The following MBP variants were observed in gnomAD, a reference collection of about 807,000 sequenced individuals.
MBP encodes Golli-MBP.
Under a neutral mutation model 35.8 loss-of-function variants are expected in MBP, and 16 were observed. That is an observed-to-expected ratio of 0.45 (90% CI 0.30 to 0.68). The LOEUF (loss-of-function observed/expected upper bound fraction) is 0.68. MBP is among the 30% of genes least tolerant of loss of function. MBP has a pLI of 0.08. For synonymous variants in MBP, 143 were observed against 159.6 expected (o/e 0.90, Z 0.78); for missense variants, 380 against 404.7 (o/e 0.94, Z 0.52).
intron 3 of MBP, among the ~76,000 whole-genome samples, chr18:77,021,426 C>G (rs1358652806): frequency 6.6e-6 from 1 of 152,002 alleles, no homozygotes; most frequent in Non-Finnish European, 1.5e-5. Context: ...TGCTAGCCTC[C>G]CAGGTGGCTG....
intron 8 of MBP, chr18:76,984,185 G>A (rs942639805): frequency 6.5e-6 from 1 of 153,516 alleles, no homozygotes; most frequent in Non-Finnish European, 1.4e-5. Flanking sequence ...CGCGTTTTGT[G>A]TTTGTCACTA....
intron 2 of MBP, among the ~76,000 whole-genome samples, chr18:77,076,765 G>A (rs374332581): frequency 6.6e-6 from 1 of 152,100 alleles, no homozygotes; most frequent in African/African-American, 2.4e-5. Flanking sequence ...TTGAGTATGA[G>A]GTTAAACACA....
At chr18:77,115,821 A>ATTTTACTGGGCAACTGCC (rs1568347233) in intron 1 of MBP, 2 of 151,978 alleles carry the variant, frequency 1.3e-5, no homozygotes. Flanking sequence ...GGTGTGTAGT[A>ATTTTACTGGGCAACTGCC]TTTTACTGGG....
At chr18:77,121,447 C>T (rs1350435419) in intron 1 of MBP, among the ~76,000 whole-genome samples, 1 of 152,218 alleles carries the variant, frequency 6.6e-6, no homozygotes, top group African/African-American at 2.4e-5. Flanking sequence ...ATTTCACATA[C>T]ATTTAAACAT....
In MBP at chr18:77,030,323, C is replaced by T. The variant is rs540581135; in HGVS notation, c.140-13055G>A. 5.3e-5 allele frequency among the ~76,000 whole-genome samples: 8 copies of T among 152,288 alleles called. No homozygotes were observed. The East Asian group carries it at 5.8e-4, about 11-fold the overall frequency. On this transcript the variant is annotated intron_variant, in intron 3 of 8. Transcript: ENST00000355994. ...ACCCAAGAGCCCATGGTACTATTCA[C>T]GTAGGGACTCTGTGTGGAAAGAGCT...
At chr18:77,055,611 C>CT (rs375705276) in intron 3 of MBP, among the ~76,000 whole-genome samples, 9 of 148,770 alleles carry the variant, frequency 6.0e-5, no homozygotes, top group African/African-American at 1.5e-4. Flanking sequence ...CTTTCTTTCT[C>CT]TTTTTTTAAC....
chr18:77,027,890 T>C (rs1972285143), intron 3 of MBP, among the ~76,000 whole-genome samples: 1 of 152,132 alleles, frequency 6.6e-6, no homozygotes, highest in African/African-American at 2.4e-5. Flanking sequence ...GGTCTTGCTG[T>C]GTTGCTCAGG....
At chr18:77,040,203 C>T (rs1403743373) in intron 3 of MBP, among the ~76,000 whole-genome samples, 1 of 152,168 alleles carries the variant, frequency 6.6e-6, no homozygotes, top group East Asian at 1.9e-4. Context: ...GGTAAATGAT[C>T]AAATACAAGT....
intron 2 of MBP, among the ~76,000 whole-genome samples, chr18:77,073,522 C>T (rs1845218444): frequency 6.6e-6 from 1 of 152,340 alleles, no homozygotes; most frequent in Non-Finnish European, 1.5e-5. Flanking sequence ...GGTTGAGTGG[C>T]AGGAGAGGAA....
At chr18:77,058,980 C>T (rs1359891498) in intron 3 of MBP, among the ~76,000 whole-genome samples, 2 of 149,060 alleles carry the variant, frequency 1.3e-5, no homozygotes, top group African/African-American at 2.5e-5. Context: ...ACTTACAACC[C>T]CCTGAGGCTG....
At chr18:76,984,598 A>G in intron 8 of MBP, 177 bp downstream of exon 8, 2 of 766,676 alleles carry the variant, frequency 2.6e-6, no homozygotes, top group Non-Finnish European at 4.2e-6. Context: ...GAGGAAATCC[A>G]CGCGTAAATG....
intron 2 of MBP, chr18:77,067,756 A>G: frequency 2.1e-6 from 1 of 479,274 alleles, no homozygotes; most frequent in Non-Finnish European, 4.2e-6. Flanking sequence ...TTTCCACCCA[A>G]TCTCTCATTT....
intron 4 of MBP, chr18:77,009,740 G>T: frequency 4.1e-6 from 4 of 969,770 alleles, no homozygotes; most frequent in Non-Finnish European, 6.2e-6. Context: ...GGAGGCTGGG[G>T]GTGGGCCCCT....
Position 77,130,401 on chromosome 18 carries a change from A to G in MBP, c.-26+2179T>C, listed in dbSNP as rs145339346. Among the ~76,000 whole-genome samples, 90 of 151,946 alleles carry G rather than the reference A, an allele frequency of 5.9e-4. 1 individual carries two copies. Among genetic ancestry groups the G allele is most frequent in the African/African-American group, 2.1e-3 (85 of 41,236 alleles). Reference sequence around the variant, plus strand: ...TGGGCCTTGTTTCCTCAACAGTAAAAAATGAAGATATGAATAGGATGGTGA... The same window carrying G: ...TGGGCCTTGTTTCCTCAACAGTAAAGAATGAAGATATGAATAGGATGGTGA... On this transcript the variant is annotated intron_variant, in intron 1 of 8. Transcript: ENST00000355994.
chr18:77,071,467 T>C (rs1197426818), intron 2 of MBP, among the ~76,000 whole-genome samples: 1 of 152,212 alleles, frequency 6.6e-6, no homozygotes, highest in African/African-American at 2.4e-5. Flanking sequence ...TTTAGGCTTT[T>C]AGCAACCTGA....
intron 2 of MBP, among the ~76,000 whole-genome samples, chr18:77,095,978 G>A (rs1423058228): frequency 1.3e-5 from 2 of 152,248 alleles, no homozygotes; most frequent in South Asian, 4.1e-4. Context: ...GTGAGCCAGT[G>A]ATGGCTTAAA....
At chr18:77,016,805 A>G in intron 4 of MBP, 27 bp downstream of exon 4, 3 of 1,609,110 alleles carry the variant, frequency 1.9e-6, no homozygotes, top group Non-Finnish European at 2.5e-6. Context: ...CATTTAAACT[A>G]AAACTCCTCT....
chr18:77,096,305 C>T (rs925156559), intron 2 of MBP, among the ~76,000 whole-genome samples: 8 of 152,186 alleles, frequency 5.3e-5, no homozygotes, highest in Admixed American at 3.3e-4. Flanking sequence ...CTCAGAATGT[C>T]ATTTTAATAG....
rs113051932 is a variant in MBP at position 77,112,659 on chromosome 18, G to A, written c.-25-7373C>T. The A allele has an allele frequency of 6.8e-3, 1,038 of 152,538 alleles. 6 individuals are homozygous for A. The highest frequency in any genetic ancestry group is 0.02 in the South Asian group (96 of 4,834). The allele number at this position is 152,538 out of a possible 1,614,324, so 9.4% of individuals were successfully genotyped here. On this transcript the variant is annotated intron_variant, in intron 1 of 8. Coordinates refer to ENST00000355994, the MANE Select transcript of MBP (RefSeq NM_001025101.2). Reference sequence around the variant, plus strand: ...GGCCGGGAGAGAGACGGGCGGCCAGGACAGGGGCCGGCTGTTTGCAGGGGA... The same window carrying A: ...GGCCGGGAGAGAGACGGGCGGCCAGAACAGGGGCCGGCTGTTTGCAGGGGA...
Sources: allele counts gnomAD v4.1 joint callset (sites outside exome capture counted in the v4.1 genomes callset), GRCh38; gene constraint gnomAD v4.1.1; transcripts MANE v1.5; gene names NCBI Gene and HGNC (gene_info 2026-07-23, HGNC 2026-07-21).